Variants in OPHN1 observed in about 807,000 individuals in gnomAD.
OPHN1 encodes oligophrenin 1.
OPHN1 carries 11 observed loss-of-function variants against 60.7 expected under a neutral mutation model. The observed-to-expected ratio is 0.18, with a 90% CI of 0.11 to 0.30. OPHN1 has a LOEUF of 0.30. Among genes scored for constraint, OPHN1 ranks in the 10% least tolerant of loss-of-function variants. OPHN1 has a pLI of 1.00. For synonymous variants in OPHN1, 226 were observed against 222.6 expected (o/e 1.02, Z -0.14); for missense variants, 449 against 611.0 (o/e 0.73, Z 2.80).
chrX:68,410,491 G>A (rs1251347052), intron 2 of OPHN1, among the ~76,000 whole-genome samples: 2 of 109,698 alleles, frequency 1.8e-5, no homozygotes, highest in Non-Finnish European at 3.8e-5. Context: ...GAACCCAGGA[G>A]ACGGAGGTTG....
chrX:68,358,028 C>T (rs1294019615), intron 2 of OPHN1, among the ~76,000 whole-genome samples: 1 of 108,425 alleles, frequency 9.2e-6, no homozygotes, highest in Non-Finnish European at 1.9e-5. Context: ...CAGTGGCTCA[C>T]GCGTATAATC....
intron 2 of OPHN1, among the ~76,000 whole-genome samples, chrX:68,379,952 A>T (rs999133326): frequency 1.1e-4 from 12 of 110,098 alleles, no homozygotes; most frequent in Non-Finnish European, 1.9e-4. Flanking sequence ...AAAATGAGTT[A>T]GGGAGGATTC....
chrX:68,285,804 C>G (rs932803143), intron 3 of OPHN1, among the ~76,000 whole-genome samples: 1 of 110,525 alleles, frequency 9.0e-6, no homozygotes, highest in Non-Finnish European at 1.9e-5. Flanking sequence ...GCTGAACCCC[C>G]AGTAGTAAGT....
At chrX:68,160,190 T>C (rs2147401308) in intron 15 of OPHN1, among the ~76,000 whole-genome samples, 1 of 110,368 alleles carries the variant, frequency 9.1e-6, no homozygotes, top group Non-Finnish European at 1.9e-5. Context: ...CAAAGAGGAA[T>C]ATTTAATAAT....
intron 12 of OPHN1, among the ~76,000 whole-genome samples, chrX:68,195,455 A>G (rs1569239854): frequency 8.9e-6 from 1 of 111,953 alleles, no homozygotes; most frequent in Non-Finnish European, 1.9e-5. Context: ...TCCTGGCTCT[A>G]CCTCTACCTC....
Position 68,202,686 on chromosome X carries a change from G to A in OPHN1, c.934-976C>T, listed in dbSNP as rs777747776. On this transcript the variant is annotated intron_variant, in intron 10 of 24. Coordinates refer to ENST00000355520, the MANE Select transcript of OPHN1 (RefSeq NM_002547.3). ...TAATTTTTGTATTTTTAGTAGAGACGGGATTTCACCATGTTGGTCAGGGTG... is the reference window on the plus strand; with the variant it reads ...TAATTTTTGTATTTTTAGTAGAGACAGGATTTCACCATGTTGGTCAGGGTG... Among the ~76,000 whole-genome samples, 3 of 108,737 alleles carry A rather than the reference G, an allele frequency of 2.8e-5. No individual in the cohort carries two copies. In the South Asian group the frequency reaches 1.3e-3, roughly 46 times the overall value. 94.4% of individuals were successfully genotyped at this position (108,737 alleles called of 115,157 possible). A position where few individuals can be genotyped will look rare whatever the true frequency, so the allele number is the denominator to read the frequency against.
intron 18 of OPHN1, among the ~76,000 whole-genome samples, chrX:68,110,883 C>A (rs1485681721): frequency 9.0e-6 from 1 of 111,266 alleles, no homozygotes; most frequent in Non-Finnish European, 1.9e-5. Context: ...GGAGATCTCA[C>A]ATATAATAGG....
intron 5 of OPHN1, among the ~76,000 whole-genome samples, chrX:68,249,381 G>A (rs867526980): frequency 1.8e-5 from 2 of 112,105 alleles, no homozygotes; most frequent in South Asian, 3.7e-4. Context: ...AGGGTAATGA[G>A]CTTTGCACCA....
chrX:68,345,379 A>G (rs2078373967), intron 2 of OPHN1, among the ~76,000 whole-genome samples: 1 of 112,306 alleles, frequency 8.9e-6, no homozygotes, highest in Non-Finnish European at 1.9e-5. Flanking sequence ...TTAAAAACCT[A>G]TATCTACAAA....
At chrX:68,102,687 A>G (rs776871965) in intron 18 of OPHN1, among the ~76,000 whole-genome samples, 4 of 112,001 alleles carry the variant, frequency 3.6e-5, no homozygotes, top group Non-Finnish European at 7.5e-5. Flanking sequence ...AAAATGATAA[A>G]GGGGATATCA....
intron 16 of OPHN1, among the ~76,000 whole-genome samples, chrX:68,113,465 C>T (rs2077113476): frequency 1.8e-5 from 2 of 111,580 alleles, no homozygotes; most frequent in Admixed American, 9.5e-5. Context: ...CTCCAACTAG[C>T]TCCCAGAAGT....
intron 15 of OPHN1, among the ~76,000 whole-genome samples, chrX:68,127,465 C>G (rs1320882569): frequency 6.3e-5 from 7 of 111,535 alleles, no homozygotes; most frequent in Non-Finnish European, 1.9e-5. Flanking sequence ...AACAGGTTGA[C>G]AGAGAAGGTG....
intron 3 of OPHN1, among the ~76,000 whole-genome samples, chrX:68,293,501 G>T (rs2078079860): frequency 8.9e-6 from 1 of 111,769 alleles, no homozygotes; most frequent in Non-Finnish European, 1.9e-5. Flanking sequence ...TAGCATAACT[G>T]GGGTGGAAAT....
At chrX:68,192,451 C>T (rs1400581228) in intron 15 of OPHN1, among the ~76,000 whole-genome samples, 1 of 91,105 alleles carries the variant, frequency 1.1e-5, no homozygotes, top group Non-Finnish European at 2.1e-5. Flanking sequence ...CCAGCCTAGG[C>T]GACAGAGCTA....
At chrX:68,327,817 A>AT (rs1156937891) in intron 2 of OPHN1, among the ~76,000 whole-genome samples, 1 of 91,218 alleles carries the variant, frequency 1.1e-5, no homozygotes. Flanking sequence ...AAAAAAAAAA[A>AT]TTTTAAACTT....
At chrX:68,059,318 C>T (rs1268645713) in intron 21 of OPHN1, among the ~76,000 whole-genome samples, 1 of 111,223 alleles carries the variant, frequency 9.0e-6, no homozygotes, top group African/African-American at 3.3e-5. Context: ...ACCTTAGCAA[C>T]TTTTTTCCAC....
At chrX:68,109,406 T>C (rs192906867) in intron 18 of OPHN1, among the ~76,000 whole-genome samples, 2 of 112,035 alleles carry the variant, frequency 1.8e-5, no homozygotes, top group East Asian at 2.8e-4. Context: ...ACATTTTGTT[T>C]ACCTATTCAT....
At chrX:68,089,873 T>C (rs1232936580) in intron 19 of OPHN1, among the ~76,000 whole-genome samples, 1 of 111,862 alleles carries the variant, frequency 8.9e-6, no homozygotes, top group African/African-American at 3.2e-5. Context: ...GGTGGAAAAC[T>C]TGAAGCTACG....
chrX:68,291,233 T>C (rs1232741979), intron 3 of OPHN1, among the ~76,000 whole-genome samples: 1 of 111,781 alleles, frequency 8.9e-6, no homozygotes, highest in African/African-American at 3.3e-5. Context: ...GAAAGATTAC[T>C]GGAGTCCAAG....
Sources: gnomAD v4.1 joint callset for allele counts (sites outside exome capture counted in the v4.1 genomes callset) on GRCh38, gnomAD v4.1.1 for gene constraint, MANE v1.5 for transcripts, NCBI Gene and HGNC (gene_info 2026-07-23, HGNC 2026-07-21) for gene names.